Variants in CSMD1 observed in about 807,000 individuals in gnomAD.
CSMD1 encodes CUB and sushi domain-containing protein 1.
CSMD1 carries 213 observed loss-of-function variants against 417.5 expected under a neutral mutation model. The ratio of observed to expected loss-of-function variants is 0.51; its 90% CI spans 0.46 to 0.57. The LOEUF (loss-of-function observed/expected upper bound fraction) is 0.57. Among genes scored for constraint, CSMD1 ranks in the 20% least tolerant of loss-of-function variants. The pLI is 0.00. For missense variants in CSMD1, 6,923 were observed against 4,529.7 expected (o/e 1.53, Z -15.17); for synonymous variants, 2,862 against 1,736.8 (o/e 1.65, Z -16.11).
chr8:3,702,696 G>A (rs1371094533), intron 7 of CSMD1, among the ~76,000 whole-genome samples: 5 of 152,148 alleles, frequency 3.3e-5, no homozygotes, highest in South Asian at 2.1e-4. Flanking sequence ...GCCGGGCATC[G>A]TGGTGCATGC....
chr8:4,061,096 A>C (rs969675452), intron 3 of CSMD1, among the ~76,000 whole-genome samples: 1 of 152,140 alleles, frequency 6.6e-6, no homozygotes, highest in Non-Finnish European at 1.5e-5. Flanking sequence ...ATTTTTGTTG[A>C]TATCTTATGG....
chr8:4,156,779 T>C (rs1796858344), intron 3 of CSMD1, among the ~76,000 whole-genome samples: 1 of 152,128 alleles, frequency 6.6e-6, no homozygotes, highest in African/African-American at 2.4e-5. Context: ...GTACAGACTT[T>C]TGGGAAGGGC....
intron 1 of CSMD1, among the ~76,000 whole-genome samples, chr8:4,681,586 G>C (rs544816330): frequency 1.3e-5 from 2 of 152,222 alleles, no homozygotes; most frequent in South Asian, 4.1e-4. Flanking sequence ...AAAATACGAC[G>C]AGTGGAACTC....
intron 6 of CSMD1, among the ~76,000 whole-genome samples, chr8:3,738,405 G>A (rs574670685): frequency 1.2e-4 from 18 of 152,192 alleles, no homozygotes; most frequent in Non-Finnish European, 2.4e-4. Context: ...AAATATGCAT[G>A]GTGGTTGTCA....
At chr8:4,297,074 G>C (rs1247522751) in intron 3 of CSMD1, among the ~76,000 whole-genome samples, 1 of 82,906 alleles carries the variant, frequency 1.2e-5, no homozygotes, top group African/African-American at 4.7e-5. Flanking sequence ...GGTTAGATAG[G>C]TTGAAGAGCT....
At chr8:4,745,405 A>G (rs1184143391) in intron 1 of CSMD1, among the ~76,000 whole-genome samples, 5 of 152,212 alleles carry the variant, frequency 3.3e-5, no homozygotes, top group Non-Finnish European at 7.3e-5. Context: ...TTAAATATAA[A>G]TATGTAGCTC....
chr8:4,284,365 AC>A (rs374264505), intron 3 of CSMD1, among the ~76,000 whole-genome samples: 4 of 135,254 alleles, frequency 3.0e-5, no homozygotes, highest in Admixed American at 7.6e-5. Context: ...AGAAACTACA[AC>A]CCCCCCCACC....
intron 4 of CSMD1, among the ~76,000 whole-genome samples, chr8:4,010,575 C>T (rs913965898): frequency 6.6e-6 from 1 of 151,734 alleles, no homozygotes; most frequent in South Asian, 2.1e-4. Flanking sequence ...TCAGTTTCTA[C>T]AGCTGCAGTC....
At chr8:4,170,267 G>C (rs763423618) in intron 3 of CSMD1, among the ~76,000 whole-genome samples, 1 of 151,664 alleles carries the variant, frequency 6.6e-6, no homozygotes, top group Admixed American at 6.6e-5. Flanking sequence ...TTACCCCCTT[G>C]CCTTGGGTAG....
intron 26 of CSMD1, among the ~76,000 whole-genome samples, chr8:3,271,878 G>C (rs1327063205): frequency 6.6e-6 from 1 of 152,030 alleles, no homozygotes. Flanking sequence ...CATTTTGTAG[G>C]TTGCCTGTTC....
chr8:4,314,520 G>C (rs551671274), intron 3 of CSMD1, among the ~76,000 whole-genome samples: 4 of 152,062 alleles, frequency 2.6e-5, no homozygotes, highest in Admixed American at 6.5e-5. Context: ...CTAATGCCTT[G>C]GGATTTCTCC....
intron 3 of CSMD1, among the ~76,000 whole-genome samples, chr8:4,315,339 G>A (rs1798859715): frequency 6.6e-6 from 1 of 152,134 alleles, no homozygotes; most frequent in African/African-American, 2.4e-5. Context: ...TGCTGTTGCT[G>A]CACTGTGAGC....
intron 25 of CSMD1, among the ~76,000 whole-genome samples, chr8:3,299,512 G>T (rs532260413): frequency 5.9e-5 from 9 of 152,134 alleles, no homozygotes; most frequent in Non-Finnish European, 1.2e-4. Context: ...TCAGATACAG[G>T]CACGTGAGGA....
intron 3 of CSMD1, among the ~76,000 whole-genome samples, chr8:4,165,116 T>C (rs1225587947): frequency 1.3e-5 from 2 of 152,290 alleles, no homozygotes; most frequent in Non-Finnish European, 1.5e-5. Flanking sequence ...ATTCATGTGC[T>C]GGTGCATGCA....
At chr8:3,524,023 A>ACT (rs1170753537) in intron 10 of CSMD1, among the ~76,000 whole-genome samples, 69 of 145,516 alleles carry the variant, frequency 4.7e-4, no homozygotes, top group African/African-American at 1.7e-3. Context: ...GCACGTGCAC[A>ACT]CACACACACA....
chr8:4,383,658 A>G (rs576663225), intron 3 of CSMD1, among the ~76,000 whole-genome samples: 2 of 152,316 alleles, frequency 1.3e-5, no homozygotes, highest in East Asian at 1.9e-4. Flanking sequence ...GTTCAGAGAA[A>G]TATTCCAAAG....
intron 6 of CSMD1, among the ~76,000 whole-genome samples, chr8:3,721,799 A>C (rs949149135): frequency 6.6e-6 from 1 of 152,206 alleles, no homozygotes; most frequent in Non-Finnish European, 1.5e-5. Flanking sequence ...GTCAATCTTC[A>C]TCATAAGCCA....
intron 7 of CSMD1, among the ~76,000 whole-genome samples, chr8:3,702,674 A>C (rs1455386324): frequency 6.6e-6 from 1 of 152,186 alleles, no homozygotes; most frequent in Non-Finnish European, 1.5e-5. Flanking sequence ...CTACTAAAAA[A>C]TAGAAAAATT....
intron 2 of CSMD1, among the ~76,000 whole-genome samples, chr8:4,451,687 A>G (rs75289745): frequency 0.024 from 3,721 of 152,064 alleles, 170 homozygotes; most frequent in African/African-American, 0.086. Context: ...TGACCATGAA[A>G]TATCAGTTCT....
Sources: gnomAD v4.1 joint callset for allele counts (sites outside exome capture counted in the v4.1 genomes callset) on GRCh38, gnomAD v4.1.1 for gene constraint, MANE v1.5 for transcripts, NCBI Gene and HGNC (gene_info 2026-07-23, HGNC 2026-07-21) for gene names.